The following SERTM1 variants were observed in gnomAD, a reference collection of about 807,000 sequenced individuals.
The protein encoded by SERTM1 is serine rich and transmembrane domain containing 1, also known as serine-rich and transmembrane domain-containing protein 1.
A neutral mutation model predicts 5.5 loss-of-function variants in SERTM1; 1 was observed. The ratio of observed to expected loss-of-function variants is 0.18; its 90% confidence interval spans 0.06 to 0.86. The LOEUF (loss-of-function observed/expected upper bound fraction) is 0.86. Among genes scored for constraint, SERTM1 ranks in the 40% least tolerant of loss-of-function variants. The pLI, the probability that SERTM1 is intolerant of heterozygous loss-of-function variation, is 0.69. For synonymous variants in SERTM1, 52 were observed against 55.1 expected (o/e 0.94, Z 0.25); for missense variants, 91 against 122.4 (o/e 0.74, Z 1.21).
intron 1 of SERTM1, among the ~76,000 whole-genome samples, chr13:36,686,920 G>A (rs1010787050): frequency 2.0e-5 from 3 of 152,120 alleles, no homozygotes; most frequent in African/African-American, 7.2e-5. Context: ...GGCCAAAACT[G>A]GATGTATCCA....
At position 36,695,975 on chromosome 13, in the gene SERTM1, T is replaced by G. The variant is rs1593404170; in HGVS notation, c.*573T>G. 1 of 167,330 alleles carries G rather than the reference T, an allele frequency of 6.0e-6. No individual in the cohort carries two copies. The allele number at this position is 167,330 out of a possible 1,614,324, so 10.4% of individuals were successfully genotyped here. Reference sequence around the variant, plus strand: ...TTTAACAAGTAAAAATCACACTTATTGATGAATGTAAGTCATTTGGGAAAG... The same window carrying G: ...TTTAACAAGTAAAAATCACACTTATGGATGAATGTAAGTCATTTGGGAAAG... On this transcript the variant is annotated 3_prime_UTR_variant, in exon 2 of 2. Coordinates refer to ENST00000315190, the MANE Select transcript of SERTM1 (RefSeq NM_203451.3).
chr13:36,675,115 T>A (rs2056661567), intron 1 of SERTM1, among the ~76,000 whole-genome samples: 1 of 152,146 alleles, frequency 6.6e-6, no homozygotes, highest in Non-Finnish European at 1.5e-5. Context: ...CCATCGGACT[T>A]GGGTTTGATC....
chr13:36,689,361 G>A (rs554275184), intron 1 of SERTM1, among the ~76,000 whole-genome samples: 4 of 151,626 alleles, frequency 2.6e-5, no homozygotes, highest in South Asian at 2.1e-4. Flanking sequence ...AAAAATTAGC[G>A]GGGCATGGTG....
chr13:36,694,044 AT>A (rs372548327), intron 1 of SERTM1, among the ~76,000 whole-genome samples: 1 of 151,994 alleles, frequency 6.6e-6, no homozygotes, highest in Non-Finnish European at 1.5e-5. Context: ...CACTAAAGTC[AT>A]TTTTTTCTCC....
chr13:36,687,276 T>C (rs1417884564), intron 1 of SERTM1, among the ~76,000 whole-genome samples: 2 of 152,210 alleles, frequency 1.3e-5, no homozygotes, highest in Non-Finnish European at 2.9e-5. Context: ...ATAACATTTA[T>C]GCATATTTGT....
Position 36,696,443 on chromosome 13 carries a change from G to T in SERTM1, c.*1041G>T, listed in dbSNP as rs543258956. On this transcript the variant is annotated 3_prime_UTR_variant, in exon 2 of 2. Transcript: ENST00000315190. ...TTATTATATACTCCACGAATGTTGCGTCTCTGATAATTAGTTGTTGTATGT... is the reference window on the plus strand; with the variant it reads ...TTATTATATACTCCACGAATGTTGCTTCTCTGATAATTAGTTGTTGTATGT... The T allele has an allele frequency of 6.0e-6, 1 of 166,444 alleles. No individual in the cohort carries two copies. Among genetic ancestry groups the T allele is most frequent in the Admixed American group, 6.6e-5 (1 of 15,258 alleles). The allele number at this position is 166,444 out of a possible 1,614,324, so 10.3% of individuals were successfully genotyped here.
intron 1 of SERTM1, among the ~76,000 whole-genome samples, chr13:36,690,167 T>G (rs2056768925): frequency 6.6e-6 from 1 of 152,216 alleles, no homozygotes; most frequent in Non-Finnish European, 1.5e-5. Context: ...CTCCCCACCT[T>G]TCTTCGCATA....
chr13:36,694,953 T>C lies in SERTM1; in HGVS notation c.-126T>C. On this transcript the variant is annotated 5_prime_UTR_variant, in exon 2 of 2. Transcript: ENST00000315190. Reference sequence around the variant, plus strand: ...GCTGCCTTTGAGAAACAAGTTTTGTTGTGCTGATTTAACAGCCTGTGAATT... The same window carrying C: ...GCTGCCTTTGAGAAACAAGTTTTGTCGTGCTGATTTAACAGCCTGTGAATT... 1 of 685,256 alleles carries C rather than the reference T, an allele frequency of 1.5e-6. No individual in the cohort carries two copies. Among genetic ancestry groups the C allele is most frequent in the Non-Finnish European group, 2.5e-6 (1 of 399,096 alleles). The allele number at this position is 685,256 out of a possible 1,614,324, so 42.4% of individuals were successfully genotyped here.
At chr13:36,677,020 G>A (rs141341619) in intron 1 of SERTM1, among the ~76,000 whole-genome samples, 3 of 152,182 alleles carry the variant, frequency 2.0e-5, no homozygotes, top group East Asian at 3.9e-4. Context: ...GTGCATTCAC[G>A]GGCCATTTCA....
At chr13:36,692,888 A>T (rs370776640) in intron 1 of SERTM1, among the ~76,000 whole-genome samples, 7 of 152,206 alleles carry the variant, frequency 4.6e-5, no homozygotes, top group East Asian at 3.8e-4. Context: ...GTAAATCGCG[A>T]TGTTTTTGCA....
chr13:36,692,367 C>G (rs1197065638), intron 1 of SERTM1, among the ~76,000 whole-genome samples: 1 of 152,202 alleles, frequency 6.6e-6, no homozygotes, highest in Admixed American at 6.5e-5. Flanking sequence ...AACAAGAGGT[C>G]TGGTAGCCAG....
rs537539233 is a variant in SERTM1, at chr13:36,683,469, G to A, written c.-174+9285G>A. ...CAAAGTATAGTGAGACCTTATGTTAGTTAGTAGAAGGAGAATGATGCTACA... is the reference window on the plus strand; with the variant it reads ...CAAAGTATAGTGAGACCTTATGTTAATTAGTAGAAGGAGAATGATGCTACA... On this transcript the variant is annotated intron_variant, in intron 1 of 1. Coordinates refer to ENST00000315190, the MANE Select transcript of SERTM1 (RefSeq NM_203451.3). Among the ~76,000 whole-genome samples the A allele has an allele frequency of 2.9e-4, 44 of 152,128 alleles. 1 individual carries two copies. The highest frequency in any genetic ancestry group is 5.7e-4 in the Non-Finnish European group (39 of 68,028).
intron 1 of SERTM1, among the ~76,000 whole-genome samples, chr13:36,677,792 A>G (rs751304522): frequency 3.3e-5 from 5 of 152,214 alleles, no homozygotes; most frequent in African/African-American, 4.8e-5. Flanking sequence ...AACTGTTGCC[A>G]GTTAAACTGG....
rs1566226327 is a variant in SERTM1 at position 36,678,696 on chromosome 13, A to ATATATATATATATATAT, written c.-174+4512_-174+4513insTATATATATATATATAT. On this transcript the variant is annotated intron_variant, in intron 1 of 1. Transcript: ENST00000315190. ...AATAAAATTTATATATATATATATAAAATATAGTCCTTTTTAATATAAGAG... is the reference window on the plus strand; with the variant it reads ...AATAAAATTTATATATATATATATAATATATATATATATATATAATATAGTCCTTTTTAATATAAGAG... Among the ~76,000 whole-genome samples, 197 of 118,600 alleles carry ATATATATATATATATAT rather than the reference A, an allele frequency of 1.7e-3. 5 individuals carry two copies. The highest frequency in any genetic ancestry group is 5.8e-3 in the African/African-American group (184 of 31,880). 77.8% of individuals were successfully genotyped at this position (118,600 alleles called of 152,430 possible). A position where few individuals can be genotyped will look rare whatever the true frequency, so the allele number is the denominator to read the frequency against.
rs2056720673 is a variant in SERTM1 at position 36,683,644 on chromosome 13, A to G, written c.-174+9460A>G. Among the ~76,000 whole-genome samples, 4 of 152,174 alleles carry G rather than the reference A, an allele frequency of 2.6e-5. No homozygotes were observed. In the South Asian group the frequency reaches 6.2e-4, roughly 24 times the overall value. On this transcript the variant is annotated intron_variant, in intron 1 of 1. Transcript: ENST00000315190. ...ATAGACATTGGCAGGTACTTACACC[A>G]TTACACAATAACTGCAGCAGAGGGA...
At position 36,686,070 on chromosome 13, in the gene SERTM1, G is replaced by T. The variant is rs182760667; in HGVS notation, c.-173-8836G>T. Among the ~76,000 whole-genome samples, 7 of 152,290 alleles carry T rather than the reference G, an allele frequency of 4.6e-5. No homozygotes were observed. In the East Asian group the frequency reaches 1.3e-3, roughly 29 times the overall value. On this transcript the variant is annotated intron_variant, in intron 1 of 1. Coordinates refer to ENST00000315190, the MANE Select transcript of SERTM1 (RefSeq NM_203451.3). ...ATAACAGGATTACTTGCTCCTGGAG[G>T]CCCAGATGAGATTCAGTCCAGTGGG...
intron 1 of SERTM1, among the ~76,000 whole-genome samples, chr13:36,693,063 GACCA>G: frequency 6.6e-6 from 1 of 152,216 alleles, no homozygotes. Flanking sequence ...GAGAAATTGA[GACCA>G]GATGTTATAG....
rs1385189791 is a variant in SERTM1 at position 36,674,098 on chromosome 13, T to C, written c.-260T>C. ...GCGCCCAACATTCCCGAGGACGGCT[T>C]CGCGGGCGCGTATCGTCCAGACCGG... is the stretch of plus-strand genomic sequence containing the variant. On this transcript the variant is annotated 5_prime_UTR_variant, in exon 1 of 2. Coordinates refer to ENST00000315190, the MANE Select transcript of SERTM1 (RefSeq NM_203451.3). 1 of 152,188 alleles carries C rather than the reference T, an allele frequency of 6.6e-6. No homozygotes were observed. Among genetic ancestry groups the C allele is most frequent in the Admixed American group, 6.5e-5 (1 of 15,284 alleles). 9.4% of individuals were successfully genotyped at this position (152,188 alleles called of 1,614,324 possible).
intron 1 of SERTM1, among the ~76,000 whole-genome samples, chr13:36,692,296 G>T (rs937807372): frequency 6.6e-6 from 1 of 152,184 alleles, no homozygotes; most frequent in Non-Finnish European, 1.5e-5. Flanking sequence ...TGGTCTGAAA[G>T]AAGGCAATCT....
Sources: gnomAD v4.1 joint callset for allele counts (sites outside exome capture counted in the v4.1 genomes callset) on GRCh38, gnomAD v4.1.1 for gene constraint, MANE v1.5 for transcripts, NCBI Gene and HGNC (gene_info 2026-07-23, HGNC 2026-07-21) for gene names.